DLGAP1: variants seen among roughly 807,000 people sequenced by gnomAD.
DLGAP1 encodes the protein disks large-associated protein 1.
DLGAP1 carries 11 observed loss-of-function variants against 90.8 expected under a neutral mutation model. That is an observed-to-expected ratio of 0.12 (90% CI 0.08 to 0.20). The LOEUF (loss-of-function observed/expected upper bound fraction) is 0.20, where lower values mean the gene tolerates loss of function less well. DLGAP1 is among the 10% of genes least tolerant of loss of function. DLGAP1 has a pLI of 1.00. For synonymous variants in DLGAP1, 558 were observed against 540.7 expected (o/e 1.03, Z -0.44); for missense variants, 1,050 against 1,333.8 (o/e 0.79, Z 3.31).
chr18:4,134,523 TA>T (rs762025909), intron 2 of DLGAP1, among the ~76,000 whole-genome samples: 14,910 of 152,150 alleles, frequency 0.098, 879 homozygotes, highest in East Asian at 0.18. Context: ...GAGGCAGAGA[TA>T]ATTCATTCAA....
intron 8 of DLGAP1, among the ~76,000 whole-genome samples, chr18:3,572,542 C>A (rs893161909): frequency 1.3e-5 from 2 of 151,998 alleles, no homozygotes; most frequent in East Asian, 3.9e-4. Context: ...CTCCACCCCC[C>A]AGGTTCAAGT....
intron 1 of DLGAP1, among the ~76,000 whole-genome samples, chr18:4,248,054 C>G (rs1365657289): frequency 6.6e-6 from 1 of 151,990 alleles, no homozygotes; most frequent in African/African-American, 2.4e-5. Context: ...AAAAAAATAT[C>G]GTGATTTTGG....
intron 1 of DLGAP1, among the ~76,000 whole-genome samples, chr18:4,377,589 G>A (rs13381531): frequency 0.012 from 1,826 of 152,070 alleles, 17 homozygotes; most frequent in African/African-American, 0.025. Context: ...TTAATCTTCA[G>A]TCACTTACAA....
At chr18:4,215,016 T>C (rs2077923394) in intron 1 of DLGAP1, among the ~76,000 whole-genome samples, 2 of 152,180 alleles carry the variant, frequency 1.3e-5, no homozygotes, top group Admixed American at 1.3e-4. Context: ...TCAGGTTAAC[T>C]TATCGGGAAA....
chr18:4,168,763 T>G (rs753705833), intron 1 of DLGAP1, among the ~76,000 whole-genome samples: 2 of 152,294 alleles, frequency 1.3e-5, no homozygotes, highest in East Asian at 1.9e-4. Context: ...ATTTATTTAT[T>G]TTAAAGATGG....
chr18:4,030,728 C>T lies in DLGAP1; in HGVS notation c.-158-25527G>A, dbSNP rs774233752. Among the ~76,000 whole-genome samples, 95 of 152,234 alleles carry T rather than the reference C, an allele frequency of 6.2e-4. 1 individual carries two copies. Among genetic ancestry groups the T allele is most frequent in the African/African-American group, 1.9e-3 (80 of 41,522 alleles). The stretch of plus-strand genomic sequence containing the variant: ...TTGAGCCCAGGAGTTCGAGACCAGC[C>T]TGGGCAACATGGTGAAACCCATTGT... On this transcript the variant is annotated intron_variant, in intron 2 of 12. Transcript: ENST00000315677.
At chr18:4,347,646 T>C (rs949965456) in intron 1 of DLGAP1, among the ~76,000 whole-genome samples, 2 of 152,020 alleles carry the variant, frequency 1.3e-5, no homozygotes, top group African/African-American at 2.4e-5. Context: ...ATTCAAGAAA[T>C]TGAATGTGAT....
At chr18:3,906,396 T>G (rs2071906870) in intron 3 of DLGAP1, among the ~76,000 whole-genome samples, 1 of 152,156 alleles carries the variant, frequency 6.6e-6, no homozygotes, top group Admixed American at 6.6e-5. Flanking sequence ...TTGAAGTCCT[T>G]TCACAAAATT....
chr18:4,174,553 TTGAACTCC>T (rs1489274519), intron 1 of DLGAP1, among the ~76,000 whole-genome samples: 1 of 152,150 alleles, frequency 6.6e-6, no homozygotes, highest in African/African-American at 2.4e-5. Context: ...CAGGCTGATC[TTGAACTCC>T]TGATCTCATG....
intron 1 of DLGAP1, among the ~76,000 whole-genome samples, chr18:4,334,804 A>C (rs890223410): frequency 6.6e-6 from 1 of 151,908 alleles, no homozygotes; most frequent in Non-Finnish European, 1.5e-5. Context: ...AAATAGAAGC[A>C]ATATATTCCT....
chr18:3,985,541 T>C (rs1014088314), intron 3 of DLGAP1, among the ~76,000 whole-genome samples: 2 of 151,326 alleles, frequency 1.3e-5, no homozygotes, highest in Non-Finnish European at 2.9e-5. Context: ...TTTTTTAACA[T>C]AGAACAAAAT....
chr18:4,082,341 C>CAAAAAAAA (rs34416813), intron 2 of DLGAP1, among the ~76,000 whole-genome samples: 1 of 78,772 alleles, frequency 1.3e-5, no homozygotes. Context: ...GACTCCATCT[C>CAAAAAAAA]AAAAAAAAAA....
chr18:4,300,716 C>T (rs2080104311), intron 1 of DLGAP1, among the ~76,000 whole-genome samples: 2 of 152,112 alleles, frequency 1.3e-5, no homozygotes, highest in South Asian at 4.1e-4. Flanking sequence ...TGGTTATACA[C>T]TTTGAGTTCT....
At chr18:3,960,266 T>G (rs2073171047) in intron 3 of DLGAP1, among the ~76,000 whole-genome samples, 1 of 152,234 alleles carries the variant, frequency 6.6e-6, no homozygotes, top group African/African-American at 2.4e-5. Context: ...CTTAGGTGCC[T>G]TTTCCTATTG....
At chr18:4,085,576 T>C (rs1295182880) in intron 2 of DLGAP1, among the ~76,000 whole-genome samples, 1 of 152,186 alleles carries the variant, frequency 6.6e-6, no homozygotes, top group Admixed American at 6.6e-5. Flanking sequence ...AGGAAATACT[T>C]TGAGAGCAAA....
chr18:4,434,179 A>ATT (rs35699657), intron 1 of DLGAP1, among the ~76,000 whole-genome samples: 4 of 151,614 alleles, frequency 2.6e-5, no homozygotes, highest in Non-Finnish European at 4.4e-5. Flanking sequence ...ATACAACAGC[A>ATT]TTTTTTTTTA....
At chr18:4,024,941 T>A (rs1239718729) in intron 2 of DLGAP1, among the ~76,000 whole-genome samples, 1 of 152,036 alleles carries the variant, frequency 6.6e-6, no homozygotes, top group Non-Finnish European at 1.5e-5. Flanking sequence ...TGCTACCAAG[T>A]CATCAATATG....
intron 6 of DLGAP1, among the ~76,000 whole-genome samples, chr18:3,738,231 A>T (rs1598519268): frequency 6.7e-6 from 1 of 149,074 alleles, no homozygotes; most frequent in Admixed American, 6.6e-5. Context: ...TGCCATCCCC[A>T]TCAAGCTACC....
At chr18:3,780,335 G>A (rs1282742803) in intron 5 of DLGAP1, among the ~76,000 whole-genome samples, 1 of 152,156 alleles carries the variant, frequency 6.6e-6, no homozygotes, top group East Asian at 1.9e-4. Context: ...CATTCCTGGA[G>A]GTCAGAAATA....
Sources: allele counts gnomAD v4.1 joint callset (sites outside exome capture counted in the v4.1 genomes callset), GRCh38; gene constraint gnomAD v4.1.1; transcripts MANE v1.5; gene names NCBI Gene and HGNC (gene_info 2026-07-23, HGNC 2026-07-21).